The following PDSS2 variants were observed in gnomAD, a reference collection of about 807,000 sequenced individuals.
The protein encoded by PDSS2 is all trans-polyprenyl-diphosphate synthase PDSS2.
A neutral mutation model predicts 44.5 loss-of-function variants in PDSS2; 31 were observed. The observed-to-expected ratio is 0.70, with a 90% CI of 0.52 to 0.94. The LOEUF is 0.94. Ranked by LOEUF, PDSS2 falls within the 40% of genes least tolerant of loss-of-function variation. PDSS2 has a pLI of 0.00. For missense variants in PDSS2, 452 were observed against 482.2 expected (o/e 0.94, Z 0.59); for synonymous variants, 157 against 180.3 (o/e 0.87, Z 1.03).
intron 1 of PDSS2, among the ~76,000 whole-genome samples, chr6:107,429,395 A>G (rs749771568): frequency 6.6e-6 from 1 of 152,146 alleles, no homozygotes; most frequent in Non-Finnish European, 1.5e-5. Flanking sequence ...AACTCTACCA[A>G]ACTCCCATAC....
intron 7 of PDSS2, among the ~76,000 whole-genome samples, chr6:107,176,330 T>C (rs9486547): frequency 0.7 from 106,275 of 151,368 alleles, 37,501 homozygotes; most frequent in South Asian, 0.79. Flanking sequence ...GTTGAGCCCC[T>C]GCGCCCGGCC....
chr6:107,410,926 C>T (rs1234227569), intron 1 of PDSS2, among the ~76,000 whole-genome samples: 29 of 151,954 alleles, frequency 1.9e-4, no homozygotes, highest in Middle Eastern at 3.4e-3. Flanking sequence ...CTTATGCCGC[C>T]CAGGCTGGAG....
rs138861533 is a variant in PDSS2 at position 107,183,559 on chromosome 6, G to A, written c.1041+10263C>T. Among the ~76,000 whole-genome samples, 1,528 of 152,212 alleles carry A rather than the reference G, an allele frequency of 0.01. 73 individuals carry two copies. In the East Asian group the frequency reaches 0.16, roughly 16 times the overall value. On this transcript the variant is annotated intron_variant, in intron 7 of 7. Coordinates refer to ENST00000369037, the MANE Select transcript of PDSS2 (RefSeq NM_020381.4). The stretch of plus-strand genomic sequence containing the variant: ...CTAAAAATATAAAAAATAGCCAGGC[G>A]TGGTGGCAGGCGCCTGTAATCCCAG...
chr6:107,280,390 TCA>T (rs1331752986), intron 2 of PDSS2, among the ~76,000 whole-genome samples: 3 of 152,184 alleles, frequency 2.0e-5, no homozygotes, highest in African/African-American at 7.2e-5. Context: ...TAGAAAACAG[TCA>T]CAAATAAATA....
intron 6 of PDSS2, among the ~76,000 whole-genome samples, chr6:107,203,947 ATT>A (rs57335281): frequency 2.8e-5 from 4 of 144,378 alleles, no homozygotes; most frequent in African/African-American, 5.1e-5. Flanking sequence ...ACTTATTATA[ATT>A]TTTTTTTTTT....
At chr6:107,446,409 T>C (rs1011236517) in intron 1 of PDSS2, among the ~76,000 whole-genome samples, 1 of 152,208 alleles carries the variant, frequency 6.6e-6, no homozygotes, top group South Asian at 2.1e-4. Context: ...GGTGAAATCA[T>C]GTAATAGCTA....
At chr6:107,383,796 G>A (rs1191831060) in intron 1 of PDSS2, among the ~76,000 whole-genome samples, 1 of 152,198 alleles carries the variant, frequency 6.6e-6, no homozygotes, top group Non-Finnish European at 1.5e-5. Flanking sequence ...AATTGTTGAT[G>A]AAGATGTGGA....
At chr6:107,369,605 T>C (rs1221797697) in intron 1 of PDSS2, among the ~76,000 whole-genome samples, 1 of 152,154 alleles carries the variant, frequency 6.6e-6, no homozygotes, top group African/African-American at 2.4e-5. Flanking sequence ...GAGAATTCTT[T>C]GTTGTAAAGG....
At chr6:107,275,713 C>T (rs1775757291) in intron 2 of PDSS2, among the ~76,000 whole-genome samples, 1 of 152,030 alleles carries the variant, frequency 6.6e-6, no homozygotes, top group Non-Finnish European at 1.5e-5. Context: ...GGAGTGTTTG[C>T]TTTGAGTCAG....
chr6:107,214,948 CA>C (rs1432988420), intron 4 of PDSS2, among the ~76,000 whole-genome samples: 3 of 151,670 alleles, frequency 2.0e-5, no homozygotes, highest in Admixed American at 6.6e-5. Context: ...ATTTGAACAA[CA>C]AAAAAAATTC....
chr6:107,362,688 G>C (rs1267961385), intron 1 of PDSS2, among the ~76,000 whole-genome samples: 1 of 152,182 alleles, frequency 6.6e-6, no homozygotes. Context: ...GCAGTCATTA[G>C]AAACTATCTC....
intron 4 of PDSS2, among the ~76,000 whole-genome samples, chr6:107,214,896 G>C (rs1235323460): frequency 1.3e-5 from 2 of 152,148 alleles, no homozygotes; most frequent in Non-Finnish European, 2.9e-5. Context: ...GGGATCACAG[G>C]TGTGTGCCAC....
chr6:107,181,018 T>C (rs1306710510), intron 7 of PDSS2, among the ~76,000 whole-genome samples: 1 of 152,100 alleles, frequency 6.6e-6, no homozygotes, highest in Non-Finnish European at 1.5e-5. Flanking sequence ...CTAACTTTTG[T>C]ATTTTTAGTA....
At chr6:107,233,320 A>G (rs1489809747) in intron 4 of PDSS2, among the ~76,000 whole-genome samples, 1 of 152,066 alleles carries the variant, frequency 6.6e-6, no homozygotes, top group Non-Finnish European at 1.5e-5. Context: ...ATTTCCTATG[A>G]CCTGTAAGCA....
chr6:107,357,264 C>G (rs1005605984), intron 1 of PDSS2, among the ~76,000 whole-genome samples: 1 of 152,064 alleles, frequency 6.6e-6, no homozygotes, highest in Non-Finnish European at 1.5e-5. Context: ...AGGCTATTAA[C>G]TATTATGAGC....
chr6:107,440,035 G>A (rs1359229736), intron 1 of PDSS2, among the ~76,000 whole-genome samples: 2 of 152,126 alleles, frequency 1.3e-5, no homozygotes, highest in Non-Finnish European at 2.9e-5. Context: ...GACAGGGACA[G>A]TGGCTATACA....
Position 107,336,951 on chromosome 6 carries a change from A to G in PDSS2, c.297-2619T>C, listed in dbSNP as rs144072767. Among the ~76,000 whole-genome samples the G allele has an allele frequency of 1.3e-4, 20 of 148,368 alleles. No homozygotes were observed. The East Asian group carries it at 4.0e-3, about 30-fold the overall frequency. On this transcript the variant is annotated intron_variant, in intron 1 of 7. Coordinates refer to ENST00000369037, the MANE Select transcript of PDSS2 (RefSeq NM_020381.4). The stretch of plus-strand genomic sequence containing the variant: ...AACTCTAAGAGGTGAACCTTGAGAC[A>G]AGTCTGACCAAATCACACAGATTTA...
intron 1 of PDSS2, among the ~76,000 whole-genome samples, chr6:107,431,158 C>T (rs1696498535): frequency 6.6e-6 from 1 of 152,220 alleles, no homozygotes; most frequent in African/African-American, 2.4e-5. Context: ...TAGTAAATGA[C>T]TGATGTCTGG....
chr6:107,167,074 C>G (rs1404905141), intron 7 of PDSS2, among the ~76,000 whole-genome samples: 3 of 152,158 alleles, frequency 2.0e-5, no homozygotes, highest in African/African-American at 4.8e-5. Context: ...CCTTGTACCT[C>G]TGGTAGAATT....
Sources: gnomAD v4.1 joint callset for allele counts (sites outside exome capture counted in the v4.1 genomes callset) on GRCh38, gnomAD v4.1.1 for gene constraint, MANE v1.5 for transcripts, NCBI Gene and HGNC (gene_info 2026-07-23, HGNC 2026-07-21) for gene names.